Variants in ZDHHC23 observed in about 807,000 individuals in gnomAD.
ZDHHC23 encodes the protein palmitoyltransferase ZDHHC23.
In ZDHHC23, 41 loss-of-function variants were observed where a neutral mutation model predicts 40.2. The ratio of observed to expected loss-of-function variants is 1.02; its 90% CI spans 0.79 to 1.32. ZDHHC23 has a LOEUF of 1.32. Ranked by LOEUF, ZDHHC23 falls within the 40% of genes most tolerant of loss-of-function variation. The pLI is 0.00. For synonymous variants in ZDHHC23, 204 were observed against 210.2 expected (o/e 0.97, Z 0.26); for missense variants, 471 against 541.5 (o/e 0.87, Z 1.29).
At chr3:113,965,942 C>T (rs938564072), downstream of ZDHHC23, among the ~76,000 whole-genome samples, 2 of 151,996 alleles carry the variant, frequency 1.3e-5, no homozygotes, top group Non-Finnish European at 2.9e-5. Flanking sequence ...GAGGAGGTGA[C>T]ATTTGAGCAG....
chr3:113,960,852 C>A lies in ZDHHC23; in HGVS notation c.*2222C>A. 1 of 1,420,468 alleles carries A rather than the reference C, an allele frequency of 7.0e-7. No homozygotes were observed. Among genetic ancestry groups the A allele is most frequent in the Non-Finnish European group, 9.3e-7 (1 of 1,073,338 alleles). The allele number at this position is 1,420,468 out of a possible 1,614,324, so 88.0% of individuals were successfully genotyped here. On this transcript the variant is annotated 3_prime_UTR_variant, in exon 5 of 5. Coordinates refer to ENST00000638807, the MANE Select transcript of ZDHHC23 (RefSeq NM_001320466.2). ...CCCATGATGGACAGTTGACAGAATG[C>A]TTAAACCTGTCAAAAGATGAGTGAT...
Position 113,948,035 on chromosome 3 carries a change from G to A in ZDHHC23, c.-273G>A, listed in dbSNP as rs1022178234. 1.3e-5 allele frequency: 2 copies of A among 151,398 alleles called. No individual in the cohort carries two copies. The highest frequency in any genetic ancestry group is 3.0e-5 in the Non-Finnish European group (2 of 67,708). 9.4% of individuals were successfully genotyped at this position (151,398 alleles called of 1,614,324 possible). ...GTCACAGGTGGGCGGCTGCGGCGAG[G>A]GAGCGGCCGAGCGGAGCCCGGGTCC... On this transcript the variant is annotated 5_prime_UTR_variant, in exon 1 of 5. Coordinates refer to ENST00000638807, the MANE Select transcript of ZDHHC23 (RefSeq NM_001320466.2).
downstream of ZDHHC23, chr3:113,965,388 A>G (rs767209112): frequency 6.9e-7 from 1 of 1,455,112 alleles, no homozygotes; most frequent in South Asian, 1.3e-5. Context: ...AAAAAAGTGA[A>G]ATGTTGAGAA....
chr3:113,966,239 C>T (rs1462521380), downstream of ZDHHC23, among the ~76,000 whole-genome samples: 1 of 152,152 alleles, frequency 6.6e-6, no homozygotes, highest in South Asian at 2.1e-4. Flanking sequence ...AGAAAAAATA[C>T]CCTAACATCA....
Position 113,953,683 on chromosome 3 carries a change from G to A in ZDHHC23, c.162-17G>A, listed in dbSNP as rs764630222. ...AACCCACATGAAGTCCCTCCTCTTT[G>A]TGCTTTTTCTGAATAGATGGATTAC... On this transcript the variant is annotated splice_polypyrimidine_tract_variant and intron_variant, in intron 2 of 4. Transcript: ENST00000638807. 2.5e-6 allele frequency: 4 copies of A among 1,597,352 alleles called. No individual in the cohort carries two copies. The South Asian group carries it at 4.5e-5, about 18-fold the overall frequency.
At chr3:113,977,894 A>G in the ZDHHC23 span, among the ~76,000 whole-genome samples, 1 of 152,240 alleles carries the variant, frequency 6.6e-6, no homozygotes, top group African/African-American at 2.4e-5. Context: ...AGAATACAGT[A>G]CTTTTGCTTA....
rs1386478 is a variant in ZDHHC23 at position 113,962,104 on chromosome 3, A to G, written c.*3474A>G. 35,171 of 152,446 alleles carry G rather than the reference A, an allele frequency of 0.23. 4,900 individuals are homozygous for G. Among genetic ancestry groups the G allele is most frequent in the Middle Eastern group, 0.37 (110 of 294 alleles). 9.4% of individuals were successfully genotyped at this position (152,446 alleles called of 1,614,324 possible). Reference sequence around the variant, plus strand: ...GATAATAAGAGACTTTTCCTGAGGCACCTGTTTGGAATCTGGTTTTCTCAG... The same window carrying G: ...GATAATAAGAGACTTTTCCTGAGGCGCCTGTTTGGAATCTGGTTTTCTCAG... On this transcript the variant is annotated 3_prime_UTR_variant, in exon 5 of 5. Transcript: ENST00000638807.
chr3:113,953,660 C>G (rs2107467963), intron 2 of ZDHHC23, 40 bp from the exon 3 acceptor site: 2 of 1,542,464 alleles, frequency 1.3e-6, no homozygotes, highest in East Asian at 4.5e-5. Context: ...ATTCAACAAA[C>G]CCACATGAAG....
rs772667399 is a variant in ZDHHC23, at chr3:113,959,878, A to G, written c.*1248A>G. 50 of 999,376 alleles carry G rather than the reference A, an allele frequency of 5.0e-5. No homozygotes were observed. Among genetic ancestry groups the G allele is most frequent in the Non-Finnish European group, 5.6e-5 (47 of 836,528 alleles). 61.9% of individuals were successfully genotyped at this position (999,376 alleles called of 1,614,324 possible). A position where few individuals can be genotyped will look rare whatever the true frequency, so the allele number is the denominator to read the frequency against. On this transcript the variant is annotated 3_prime_UTR_variant, in exon 5 of 5. Coordinates refer to ENST00000638807, the MANE Select transcript of ZDHHC23 (RefSeq NM_001320466.2). ...TTCTTCCCTGGCTCTTCCGACAATA[A>G]CAAGTTGTTTCTTTAATCATATCTT... is the stretch of plus-strand genomic sequence containing the variant.
the ZDHHC23 span, among the ~76,000 whole-genome samples, chr3:113,972,967 T>C: frequency 6.6e-6 from 1 of 152,142 alleles, no homozygotes; most frequent in Admixed American, 6.5e-5. Flanking sequence ...GTAGGTGTCT[T>C]ATAGGCAGCA....
In ZDHHC23 at chr3:113,953,702, G is replaced by A; in HGVS notation, c.164G>A (p.Trp55Ter). 6.2e-7 allele frequency: 1 copy of A among 1,609,634 alleles called. No individual in the cohort carries two copies. The highest frequency in any genetic ancestry group is 8.5e-7 in the Non-Finnish European group (1 of 1,177,352). Residue 55 changes from tryptophan (W) to a stop codon, truncating the protein, a stop_gained and splice_region_variant, in exon 3 of 5, where the codon TGG (tryptophan) becomes TAG (stop). Transcript: ENST00000638807. LOFTEE classifies it high-confidence loss of function. ...CTCTTTGTGCTTTTTCTGAATAGATGGATTACATGTAAATCTTTACAGCCA... is the reference window on the plus strand; with the variant it reads ...CTCTTTGTGCTTTTTCTGAATAGATAGATTACATGTAAATCTTTACAGCCA... ...CQDLDEGCDRWITCKSLQPET... is the reference protein window; with the variant it reads ...CQDLDEGCDR
downstream of ZDHHC23, among the ~76,000 whole-genome samples, chr3:113,966,141 A>T (rs1940138547): frequency 6.6e-6 from 1 of 152,220 alleles, no homozygotes; most frequent in Non-Finnish European, 1.5e-5. Context: ...TTGAGGCCTC[A>T]GTGCGTAGAC....
downstream of ZDHHC23, among the ~76,000 whole-genome samples, chr3:113,966,668 A>G (rs1011121213): frequency 1.3e-5 from 2 of 152,188 alleles, no homozygotes; most frequent in African/African-American, 2.4e-5. Flanking sequence ...TTTCACAACT[A>G]TAGGCAGAGA....
intron 2 of ZDHHC23, among the ~76,000 whole-genome samples, chr3:113,952,034 G>A (rs1007721384): frequency 2.6e-5 from 4 of 152,110 alleles, no homozygotes; most frequent in Non-Finnish European, 5.9e-5. Context: ...CTACTCAGGA[G>A]GCTGAAGTAG....
Position 113,958,567 on chromosome 3 carries a change from C to T in ZDHHC23, c.1245C>T (p.Asn415=), listed in dbSNP as rs1939453281. Residue 415 remains asparagine (N), a synonymous_variant, in exon 5 of 5, where the codon AAC becomes AAT. Coordinates refer to ENST00000638807, the MANE Select transcript of ZDHHC23 (RefSeq NM_001320466.2). ...TGQYNRGFLR[N]WHQFSTLGTR... is the part of the protein sequence containing the mutation. ...AGTACAATAGGGGCTTCCTGCGGAA[C>T]TGGCACCAGTTCTCCACCCTGGGCA... 2 of 1,610,264 alleles carry T rather than the reference C, an allele frequency of 1.2e-6. No homozygotes were observed. Among genetic ancestry groups the T allele is most frequent in the Non-Finnish European group, 8.5e-7 (1 of 1,179,978 alleles).
chr3:113,971,376 G>A, the ZDHHC23 span, among the ~76,000 whole-genome samples: 1 of 152,166 alleles, frequency 6.6e-6, no homozygotes, highest in Non-Finnish European at 1.5e-5. Context: ...TTTGAGAAGT[G>A]TCTGTTCATA....
At position 113,959,043 on chromosome 3, in the gene ZDHHC23, G is replaced by A. The variant is rs1426419322; in HGVS notation, c.*413G>A. On this transcript the variant is annotated 3_prime_UTR_variant, in exon 5 of 5. Transcript: ENST00000638807. ...ACTTTCCCAAGTCTCAGGGTCATCT[G>A]CAAAGTGGGGTACTGATGCCTGCCC... 7.8e-6 allele frequency: 8 copies of A among 1,027,512 alleles called. No individual in the cohort carries two copies. The highest frequency in any genetic ancestry group is 1.0e-5 in the Non-Finnish European group (8 of 800,288). The allele number at this position is 1,027,512 out of a possible 1,614,324, so 63.6% of individuals were successfully genotyped here.
chr3:113,958,233 A>G, intron 4 of ZDHHC23, 130 bp from the exon 5 acceptor site: 1 of 751,950 alleles, frequency 1.3e-6, no homozygotes, highest in Non-Finnish European at 2.2e-6. Context: ...AGTATCTTCC[A>G]GTTCGGAGGG....
downstream of ZDHHC23, chr3:113,965,304 C>T (rs113480805): frequency 3.7e-6 from 6 of 1,611,102 alleles, no homozygotes; most frequent in African/African-American, 2.7e-5. Flanking sequence ...ACTCTTTCCT[C>T]TTTCATAAAT....
Sources: gnomAD v4.1 joint callset for allele counts (sites outside exome capture counted in the v4.1 genomes callset) on GRCh38, gnomAD v4.1.1 for gene constraint, MANE v1.5 for transcripts, NCBI Gene and HGNC (gene_info 2026-07-23, HGNC 2026-07-21) for gene names.